Variants in P2RX7 observed in about 807,000 individuals in gnomAD.
P2RX7 encodes the protein purinergic receptor P2X 7.
A neutral mutation model predicts 71.6 loss-of-function variants in P2RX7; 62 were observed. That is an observed-to-expected ratio of 0.87 (90% CI 0.71 to 1.07). P2RX7 has a LOEUF of 1.07. Among genes scored for constraint, P2RX7 ranks in the 50% least tolerant of loss-of-function variants. P2RX7 has a pLI of 0.00. For missense variants in P2RX7, 686 were observed against 748.5 expected (o/e 0.92, Z 0.97); for synonymous variants, 299 against 283.3 (o/e 1.06, Z -0.56).
intron 1 of P2RX7, among the ~76,000 whole-genome samples, chr12:121,134,813 G>A (rs993165793): frequency 6.6e-6 from 1 of 152,112 alleles, no homozygotes; most frequent in Non-Finnish European, 1.5e-5. Flanking sequence ...TGATAATGAT[G>A]ATGAAGGCAA....
At chr12:121,147,759 G>A (rs1453806837) in intron 1 of P2RX7, among the ~76,000 whole-genome samples, 2 of 151,744 alleles carry the variant, frequency 1.3e-5, no homozygotes, top group Non-Finnish European at 2.9e-5. Context: ...TTACAGGTGT[G>A]CACCACCACG....
Position 121,136,651 on chromosome 12 carries a change from T to C in P2RX7, c.125+3556T>C, listed in dbSNP as rs201827032. Among the ~76,000 whole-genome samples the C allele has an allele frequency of 4.1e-3, 595 of 145,942 alleles. 4 individuals are homozygous for C. Among genetic ancestry groups the C allele is most frequent in the Middle Eastern group, 0.017 (5 of 290 alleles). On this transcript the variant is annotated intron_variant, in intron 1 of 12. Coordinates refer to ENST00000328963, the MANE Select transcript of P2RX7 (RefSeq NM_002562.6). ...ATTCCTTTTCTTTCTTTCTTTCTTT[T>C]TTTTTTTTTTTTTTGAGTTGAGTCT...
chr12:121,136,023 A>ATATATATATATATATATATAT (rs1281670064), intron 1 of P2RX7, among the ~76,000 whole-genome samples: 1 of 15,256 alleles, frequency 6.6e-5, no homozygotes, highest in Non-Finnish European at 1.8e-4. Context: ...AAAAAAAAAA[A>ATATATATATATATATATATAT]ATATATATAT....
At chr12:121,183,176 C>CAAA (rs34522323) in intron 12 of P2RX7, among the ~76,000 whole-genome samples, 1 of 145,440 alleles carries the variant, frequency 6.9e-6, no homozygotes, top group African/African-American at 2.5e-5. Context: ...GACTCCATCT[C>CAAA]AAAAAAAAAA....
intron 7 of P2RX7, among the ~76,000 whole-genome samples, chr12:121,167,012 A>G (rs959988222): frequency 6.6e-6 from 1 of 151,062 alleles, no homozygotes; most frequent in African/African-American, 2.4e-5. Flanking sequence ...AGATCGCACC[A>G]CTGCACTCCA....
chr12:121,147,569 G>A lies in P2RX7; in HGVS notation c.126-7216G>A, dbSNP rs578118673. On this transcript the variant is annotated intron_variant, in intron 1 of 12. Coordinates refer to ENST00000328963, the MANE Select transcript of P2RX7 (RefSeq NM_002562.6). Reference sequence around the variant, plus strand: ...GGAACTGCCTATATTCTATAGCTATGGCCTACAAAATGCAAAATGGGCAGT... The same window carrying A: ...GGAACTGCCTATATTCTATAGCTATAGCCTACAAAATGCAAAATGGGCAGT... Among the ~76,000 whole-genome samples the A allele has an allele frequency of 1.5e-3, 225 of 151,596 alleles. 3 individuals are homozygous for A. The highest frequency in any genetic ancestry group is 5.0e-3 in the African/African-American group (204 of 41,044).
chr12:121,147,864 C>T lies in P2RX7; in HGVS notation c.126-6921C>T, dbSNP rs1378314378. Among the ~76,000 whole-genome samples the T allele has an allele frequency of 3.9e-5, 6 of 152,042 alleles. No homozygotes were observed. The South Asian group carries it at 6.2e-4, about 16-fold the overall frequency. ...CTGGCCTCAATTAATCTGCCTGCCT[C>T]GGCCTCCCAGAGTTCTGGGATTACA... On this transcript the variant is annotated intron_variant, in intron 1 of 12. Transcript: ENST00000328963.
At chr12:121,163,597 GTAGATAGATAGA>G (rs3078807) in intron 5 of P2RX7, among the ~76,000 whole-genome samples, 10,669 of 130,158 alleles carry the variant, frequency 0.082, 446 homozygotes, top group South Asian at 0.12. Flanking sequence ...AGATAGACAG[GTAGATAGATAGA>G]TAGATAGATA....
At chr12:121,151,332 C>T (rs1394770276) in intron 1 of P2RX7, among the ~76,000 whole-genome samples, 2 of 151,986 alleles carry the variant, frequency 1.3e-5, no homozygotes, top group Non-Finnish European at 2.9e-5. Context: ...ACTGCAACCT[C>T]CGTCTCCAGG....
chr12:121,163,982 A>G (rs1880467960), intron 5 of P2RX7, among the ~76,000 whole-genome samples: 1 of 151,762 alleles, frequency 6.6e-6, no homozygotes, highest in Non-Finnish European at 1.5e-5. Flanking sequence ...CTCAATCGCT[A>G]ATAGCTCCAC....
intron 3 of P2RX7, among the ~76,000 whole-genome samples, chr12:121,156,359 C>A (rs1465359155): frequency 6.6e-6 from 1 of 152,206 alleles, no homozygotes; most frequent in Non-Finnish European, 1.5e-5. Flanking sequence ...TCTTTGTCTG[C>A]CTGCCTCGGT....
At chr12:121,135,029 A>G (rs1436587870) in intron 1 of P2RX7, among the ~76,000 whole-genome samples, 1 of 152,076 alleles carries the variant, frequency 6.6e-6, no homozygotes, top group Non-Finnish European at 1.5e-5. Flanking sequence ...CTCCATAACT[A>G]GTATCTATTT....
intron 8 of P2RX7, among the ~76,000 whole-genome samples, chr12:121,170,372 T>C (rs1317062368): frequency 6.6e-6 from 1 of 152,220 alleles, no homozygotes; most frequent in Non-Finnish European, 1.5e-5. Context: ...TGGAGAGACC[T>C]GAGCCCTCTG....
chr12:121,133,098 A>C lies in P2RX7; in HGVS notation c.125+3A>C. The C allele has an allele frequency of 6.2e-7, 1 of 1,614,134 alleles. No homozygotes were observed. On this transcript the variant is annotated splice_donor_region_variant and intron_variant, in intron 1 of 12. Transcript: ENST00000328963. ...GTGATCATCTTTTCCTACGTTTGGT[A>C]AGTGGGATCTGGGGAGGACCCAGAT...
In P2RX7 at chr12:121,143,221, T is replaced by TAA. The variant is rs35217704; in HGVS notation, c.125+10140_125+10141dup. 4.4e-5 allele frequency among the ~76,000 whole-genome samples: 6 copies of TAA among 136,802 alleles called. No individual in the cohort carries two copies. In the Admixed American group the frequency reaches 4.5e-4, roughly 10 times the overall value. The allele number at this position is 136,802 out of a possible 152,430, so 89.7% of individuals were successfully genotyped here. A position where few individuals can be genotyped will look rare whatever the true frequency, so the allele number is the denominator to read the frequency against. On this transcript the variant is annotated intron_variant, in intron 1 of 12. Coordinates refer to ENST00000328963, the MANE Select transcript of P2RX7 (RefSeq NM_002562.6). The stretch of plus-strand genomic sequence containing the variant: ...CAACATGGTGAAAGTCTCTCTCTAC[T>TAA]AAAAAAAAAAAAAAATACAAAAATT...
chr12:121,167,925 G>A (rs2136103281), intron 8 of P2RX7, among the ~76,000 whole-genome samples: 1 of 151,510 alleles, frequency 6.6e-6, no homozygotes, highest in East Asian at 2.0e-4. Context: ...CGACTCTCCT[G>A]CCTCAGCCTC....
intron 1 of P2RX7, among the ~76,000 whole-genome samples, chr12:121,143,901 T>C (rs1875571316): frequency 1.3e-5 from 2 of 152,132 alleles, no homozygotes; most frequent in Admixed American, 1.3e-4. Flanking sequence ...AACTTACATA[T>C]CAGAAAATCA....
intron 3 of P2RX7, among the ~76,000 whole-genome samples, chr12:121,157,412 C>T (rs1593059488): frequency 6.6e-6 from 1 of 152,350 alleles, no homozygotes; most frequent in South Asian, 2.1e-4. Flanking sequence ...CTTGATAACA[C>T]TCCGTCTAAA....
intron 8 of P2RX7, among the ~76,000 whole-genome samples, chr12:121,172,467 A>G (rs1039142911): frequency 3.9e-5 from 6 of 152,134 alleles, no homozygotes; most frequent in African/African-American, 1.4e-4. Context: ...TCATCTCTAT[A>G]AAAAAATTTT....
Sources: gnomAD v4.1 joint callset for allele counts (sites outside exome capture counted in the v4.1 genomes callset) on GRCh38, gnomAD v4.1.1 for gene constraint, MANE v1.5 for transcripts, NCBI Gene and HGNC (gene_info 2026-07-23, HGNC 2026-07-21) for gene names.